GRIA2: variants seen among roughly 807,000 people sequenced by gnomAD.
GRIA2 encodes the protein glutamate receptor 2.
In GRIA2, 14 loss-of-function variants were observed where a neutral mutation model predicts 97.3. The ratio of observed to expected loss-of-function variants is 0.14; its 90% CI spans 0.10 to 0.23. GRIA2 has a LOEUF of 0.23. Ranked by LOEUF, GRIA2 falls within the 10% of genes least tolerant of loss-of-function variation. GRIA2 has a pLI of 1.00. For synonymous variants in GRIA2, 412 were observed against 387.8 expected, an observed-to-expected ratio of 1.06 and a Z score of -0.73; for missense variants, 558 against 1,069.8, an observed-to-expected ratio of 0.52 and a Z score of 6.67.
At chr4:157,266,377 A>G (rs1731769696) in intron 2 of GRIA2, among the ~76,000 whole-genome samples, 1 of 152,144 alleles carries the variant, frequency 6.6e-6, no homozygotes, top group South Asian at 2.1e-4. Context: ...GCTGATGGTC[A>G]ACAGAGTAGG....
chr4:157,250,394 T>A (rs1378899032), intron 2 of GRIA2, among the ~76,000 whole-genome samples: 2 of 152,126 alleles, frequency 1.3e-5, no homozygotes, highest in African/African-American at 4.8e-5. Context: ...AGGGAGGTTA[T>A]AATTATGGCA....
At chr4:157,245,621 A>G (rs568338950) in intron 2 of GRIA2, among the ~76,000 whole-genome samples, 63 of 152,218 alleles carry the variant, frequency 4.1e-4, no homozygotes, top group African/African-American at 1.3e-3. Flanking sequence ...CAGGACTTCA[A>G]AGCCCCAGGA....
chr4:157,362,585 C>T (rs142278867), intron 14 of GRIA2: 10 of 601,430 alleles, frequency 1.7e-5, no homozygotes, highest in African/African-American at 7.4e-5. Flanking sequence ...TGCAGGTAGT[C>T]GATTGAGTCC....
intron 2 of GRIA2, among the ~76,000 whole-genome samples, chr4:157,285,340 G>A (rs1281155232): frequency 6.6e-6 from 1 of 151,204 alleles, no homozygotes; most frequent in African/African-American, 2.4e-5. Flanking sequence ...CAGATATCTC[G>A]ATTAATGTTG....
At chr4:157,226,653 G>T (rs1381525726) in intron 2 of GRIA2, among the ~76,000 whole-genome samples, 1 of 151,954 alleles carries the variant, frequency 6.6e-6, no homozygotes, top group Admixed American at 6.6e-5. Context: ...TGGATGAATG[G>T]ACTTCTGTGT....
Position 157,334,110 on chromosome 4 carries a change from C to T in GRIA2, c.1256C>T (p.Thr419Ile). Residue 419 changes from threonine to isoleucine, a missense_variant, in exon 9 of 16, where the codon ACC becomes ATC. Thr to Ile is a moderately conservative substitution (Grantham distance 89). Coordinates refer to ENST00000264426, the MANE Select transcript of GRIA2 (RefSeq NM_001083619.3). ...SGLENKTVVVTTILESPYVMM... is the reference protein window; with the variant it reads ...SGLENKTVVVITILESPYVMM... Reference sequence around the variant, plus strand: ...CTTGAGAATAAGACTGTTGTTGTCACCACAATTTTGGTAATTTGCTACATA... The same window carrying T: ...CTTGAGAATAAGACTGTTGTTGTCATCACAATTTTGGTAATTTGCTACATA... The T allele has an allele frequency of 6.3e-7, 1 of 1,579,500 alleles. No individual in the cohort carries two copies. The highest frequency in any genetic ancestry group is 1.1e-5 in the South Asian group (1 of 90,368).
chr4:157,265,274 T>C (rs574714255), intron 2 of GRIA2, among the ~76,000 whole-genome samples: 7 of 152,246 alleles, frequency 4.6e-5, no homozygotes, highest in African/African-American at 1.7e-4. Context: ...AATATAAACA[T>C]TTGTTCCTGT....
At chr4:157,221,603 G>A (rs922420366) in intron 1 of GRIA2, 64 bp from the exon 2 acceptor site, 62 of 1,545,024 alleles carry the variant, frequency 4.0e-5, no homozygotes, top group Non-Finnish European at 5.4e-5. Context: ...GCGCTAGCGC[G>A]CGCCCCTCCT....
intron 11 of GRIA2, 122 bp downstream of exon 11, chr4:157,336,869 T>C: frequency 1.2e-6 from 1 of 809,808 alleles, no homozygotes; most frequent in South Asian, 1.7e-5. Context: ...AGTTTAAGAC[T>C]CTTGAAGGAC....
rs1332790445 is a variant in GRIA2, at chr4:157,221,080, C to T, written c.38C>T (p.Pro13Leu). Residue 13 changes from proline (P) to leucine (L), a missense_variant, in exon 1 of 16, where the codon CCT (proline) becomes CTT (leucine). By Grantham distance (98) the Pro-to-Leu change is moderately conservative. Transcript: ENST00000264426. The part of the protein sequence containing the change: ...KIMHISVLLS[P>L]VLWGLIFGVS... ...ATGCATATTTCTGTCCTCCTTTCTC[C>T]TGTTTTATGGGGACTGATTTTTGGT... The T allele has an allele frequency of 1.9e-6, 3 of 1,596,860 alleles. No individual in the cohort carries two copies. The highest frequency in any genetic ancestry group is 1.7e-6 in the Non-Finnish European group (2 of 1,164,278).
intron 2 of GRIA2, among the ~76,000 whole-genome samples, chr4:157,298,103 C>T (rs1047230146): frequency 1.3e-5 from 2 of 151,752 alleles, no homozygotes; most frequent in African/African-American, 2.4e-5. Flanking sequence ...ATGTGATGTG[C>T]TTTAGGAAGA....
At chr4:157,244,236 G>T (rs940308747) in intron 2 of GRIA2, among the ~76,000 whole-genome samples, 1 of 151,934 alleles carries the variant, frequency 6.6e-6, no homozygotes, top group African/African-American at 2.4e-5. Context: ...GGAGCAAAAG[G>T]GTGGGCAAAA....
At chr4:157,221,263 G>C in intron 1 of GRIA2, 133 bp downstream of exon 1, 1 of 657,522 alleles carries the variant, frequency 1.5e-6, no homozygotes, top group Non-Finnish European at 2.7e-6. Flanking sequence ...AAACTACCTA[G>C]AATATACATG....
rs1446032963 is a variant in GRIA2 at position 157,321,605 on chromosome 4, C to G, written c.882+6C>G. ...CTCACACAACAACAATTAAGGTTTG[C>G]TTTGGTTTCTGTCTTTTCTTTTTCT... On this transcript the variant is annotated splice_donor_region_variant and intron_variant, in intron 6 of 15. Coordinates refer to ENST00000264426, the MANE Select transcript of GRIA2 (RefSeq NM_001083619.3). 4.4e-6 allele frequency: 7 copies of G among 1,594,992 alleles called. No individual in the cohort carries two copies. Among genetic ancestry groups the G allele is most frequent in the Non-Finnish European group, 6.0e-6 (7 of 1,169,788 alleles).
intron 2 of GRIA2, among the ~76,000 whole-genome samples, chr4:157,282,306 C>T (rs867565813): frequency 6.6e-6 from 1 of 152,004 alleles, no homozygotes; most frequent in East Asian, 1.9e-4. Flanking sequence ...TGATTTATTA[C>T]GGGACATGAG....
At chr4:157,276,761 T>G (rs1732335232) in intron 2 of GRIA2, among the ~76,000 whole-genome samples, 1 of 151,914 alleles carries the variant, frequency 6.6e-6, no homozygotes. Flanking sequence ...ATACAATGAA[T>G]AACTCTGCAT....
At chr4:157,347,904 T>A (rs1251747461) in intron 12 of GRIA2, among the ~76,000 whole-genome samples, 1 of 152,092 alleles carries the variant, frequency 6.6e-6, no homozygotes, top group East Asian at 1.9e-4. Flanking sequence ...GGCAGGCAGA[T>A]CTCGAGGTCA....
chr4:157,316,475 A>T (rs1734324847), intron 4 of GRIA2, among the ~76,000 whole-genome samples: 1 of 152,126 alleles, frequency 6.6e-6, no homozygotes, highest in African/African-American at 2.4e-5. Context: ...TTTGTATCCG[A>T]TTAGAGAAAG....
chr4:157,322,726 G>A (rs1734631381), intron 6 of GRIA2, among the ~76,000 whole-genome samples: 3 of 152,136 alleles, frequency 2.0e-5, no homozygotes, highest in South Asian at 2.1e-4. Flanking sequence ...TTGAAAAATT[G>A]TATAGTAATT....
Sources: gnomAD v4.1 joint callset for allele counts (sites outside exome capture counted in the v4.1 genomes callset) on GRCh38, gnomAD v4.1.1 for gene constraint, MANE v1.5 for transcripts, NCBI Gene and HGNC (gene_info 2026-07-23, HGNC 2026-07-21) for gene names.